The following NCAPD3 variants were observed in gnomAD, a reference collection of about 807,000 sequenced individuals.
NCAPD3 encodes non-SMC condensin II complex subunit D3.
Under a neutral mutation model 182.9 loss-of-function variants are expected in NCAPD3, and 105 were observed. The observed-to-expected ratio is 0.57, with a 90% CI of 0.49 to 0.68. NCAPD3 has a LOEUF of 0.68. Ranked by LOEUF, NCAPD3 falls within the 30% of genes least tolerant of loss-of-function variation. The probability of loss-of-function intolerance (pLI) is 0.00; values close to 1 mark genes in which losing one functional copy is unlikely to be tolerated. For synonymous variants in NCAPD3, 815 were observed against 679.9 expected (o/e 1.20, Z -3.09); for missense variants, 1,944 against 1,837.0 (o/e 1.06, Z -1.07).
chr11:134,160,869 TG>T (rs927829905), intron 28 of NCAPD3, among the ~76,000 whole-genome samples: 2 of 151,872 alleles, frequency 1.3e-5, no homozygotes, highest in African/African-American at 4.8e-5. Context: ...CCATCCTGTG[TG>T]TGTGCTCACA....
intron 28 of NCAPD3, among the ~76,000 whole-genome samples, chr11:134,160,865 T>G (rs1943557405): frequency 1.3e-5 from 2 of 151,904 alleles, no homozygotes. Context: ...GTGGCCATCC[T>G]GTGTGTGTGC....
In NCAPD3 at chr11:134,210,364, T is replaced by C. The variant is rs1937789607; in HGVS notation, c.473A>G (p.Asn158Ser). The change falls in exon 4 of 35, where the codon AAT (asparagine) becomes AGT (serine). Residue 158 changes from asparagine to serine, a missense_variant. Asn to Ser is a conservative substitution (Grantham distance 46). This residue lies in a region of NCAPD3 where 1,803 missense variants were observed against 1,674.6 expected (regional missense o/e 1.08). Coordinates refer to ENST00000534548, the MANE Select transcript of NCAPD3 (RefSeq NM_015261.3). Reference sequence around the variant, plus strand: ...AGGCTGTTCTTTCTTTCTTTTCCGATTCAAGTTAGATTCCTGGGGCCAGCT... The same window carrying C: ...AGGCTGTTCTTTCTTTCTTTTCCGACTCAAGTTAGATTCCTGGGGCCAGCT... The part of the protein sequence containing the change: ...KKSWPQESNL[N>S]RKRKKEQPKS... 1 of 1,614,192 alleles carries C rather than the reference T, an allele frequency of 6.2e-7. No individual in the cohort carries two copies. Among genetic ancestry groups the C allele is most frequent in the Non-Finnish European group, 8.5e-7 (1 of 1,180,018 alleles).
chr11:134,203,563 T>C, intron 11 of NCAPD3, 91 bp downstream of exon 11: 5 of 1,495,664 alleles, frequency 3.3e-6, no homozygotes, highest in South Asian at 2.4e-5. Flanking sequence ...CCATACCTAT[T>C]ACTTTTGCCA....
In NCAPD3 at chr11:134,206,595, T is replaced by C; in HGVS notation, c.1016+4A>G. 1 of 1,613,384 alleles carries C rather than the reference T, an allele frequency of 6.2e-7. No individual in the cohort carries two copies. The highest frequency in any genetic ancestry group is 2.2e-5 in the East Asian group (1 of 44,850). On this transcript the variant is annotated splice_donor_region_variant and intron_variant, in intron 8 of 34. Coordinates refer to ENST00000534548, the MANE Select transcript of NCAPD3 (RefSeq NM_015261.3). The stretch of plus-strand genomic sequence containing the variant: ...GGTGAAAATTCACGATTTGTGTGCT[T>C]CACCTGATAAACTGGACCGCCTGGT...
intron 4 of NCAPD3, 127 bp from the exon 5 acceptor site, chr11:134,209,604 T>C (rs1937750896): frequency 1.2e-6 from 1 of 849,008 alleles, no homozygotes. Context: ...TGATATGACT[T>C]TGACCAGGTC....
chr11:134,174,336 C>G (rs1944102737), intron 24 of NCAPD3, among the ~76,000 whole-genome samples: 1 of 124,220 alleles, frequency 8.1e-6, no homozygotes, highest in Admixed American at 1.0e-4. Flanking sequence ...GGAGCCATGA[C>G]TGTACCACTG....
chr11:134,160,158 T>C (rs1943537624), intron 28 of NCAPD3, 84 bp from the exon 29 acceptor site: 1 of 1,430,110 alleles, frequency 7.0e-7, no homozygotes, highest in African/African-American at 1.4e-5. Context: ...CCTTCGCCTG[T>C]GTAACAAACC....
At chr11:134,217,561 A>G (rs1200163901) in intron 2 of NCAPD3, among the ~76,000 whole-genome samples, 1 of 152,214 alleles carries the variant, frequency 6.6e-6, no homozygotes, top group Non-Finnish European at 1.5e-5. Flanking sequence ...CAGGAAATGA[A>G]AGAGATCTCG....
chr11:134,210,024 C>T (rs995711472), intron 4 of NCAPD3, among the ~76,000 whole-genome samples: 2 of 151,870 alleles, frequency 1.3e-5, no homozygotes, highest in Non-Finnish European at 2.9e-5. Flanking sequence ...CCACTGCACT[C>T]CAACCTGGGC....
intron 13 of NCAPD3, 35 bp downstream of exon 13, chr11:134,202,778 CAGT>C (rs749805049): frequency 2.8e-5 from 40 of 1,430,204 alleles, no homozygotes; most frequent in Non-Finnish European, 3.7e-5. Flanking sequence ...TGAAATCCAG[CAGT>C]ATTACCTATC....
chr11:134,153,244 C>CA, intron 33 of NCAPD3, 44 bp from the exon 34 acceptor site: 4 of 1,613,874 alleles, frequency 2.5e-6, no homozygotes, highest in Non-Finnish European at 3.4e-6. Flanking sequence ...CCCAGAACCT[C>CA]AAAGGCAGTG....
chr11:134,178,686 G>A lies in NCAPD3; in HGVS notation c.2730C>T (p.Val910=), dbSNP rs375827755. ...TCACAGAGGGCATGACAGAACCTCT[G>A]ACCTGGGGGGGTGGCTGAGACGCTG... The part of the protein sequence containing the change: ...EAPASQPPPQ[V]RGSVMPSVIR... Residue 910 remains valine, a synonymous_variant, in exon 22 of 35, where the codon GTC becomes GTT. Coordinates refer to ENST00000534548, the MANE Select transcript of NCAPD3 (RefSeq NM_015261.3). The A allele has an allele frequency of 9.7e-5, 156 of 1,600,248 alleles. No individual in the cohort carries two copies. The highest frequency in any genetic ancestry group is 1.3e-4 in the Non-Finnish European group (147 of 1,171,954).
Position 134,196,376 on chromosome 11 carries a change from G to A in NCAPD3, c.1616-1638C>T, listed in dbSNP as rs534657373. Reference sequence around the variant, plus strand: ...ACTAAATTAGTGGCCAGGCGCGGTGGCTCACGCCTGTAATGCCAGCTCTTT... The same window carrying A: ...ACTAAATTAGTGGCCAGGCGCGGTGACTCACGCCTGTAATGCCAGCTCTTT... On this transcript the variant is annotated intron_variant, in intron 13 of 34. Transcript: ENST00000534548. Among the ~76,000 whole-genome samples the A allele has an allele frequency of 1.2e-4, 19 of 152,262 alleles. No individual in the cohort carries two copies. The East Asian group carries it at 2.9e-3, about 23-fold the overall frequency.
intron 23 of NCAPD3, among the ~76,000 whole-genome samples, chr11:134,176,769 C>A (rs527366567): frequency 1.1e-4 from 17 of 152,332 alleles, no homozygotes; most frequent in African/African-American, 3.4e-4. Flanking sequence ...TAACGCTCTG[C>A]AGAGCTCTAT....
chr11:134,161,934 T>A, intron 27 of NCAPD3, 43 bp from the exon 28 acceptor site: 1 of 1,026,354 alleles, frequency 9.7e-7, no homozygotes, highest in Non-Finnish European at 1.4e-6. Flanking sequence ...TATGAACTTC[T>A]GAAAGACAGG....
intron 32 of NCAPD3, among the ~76,000 whole-genome samples, chr11:134,154,686 G>A (rs1943369810): frequency 6.6e-6 from 1 of 152,176 alleles, no homozygotes; most frequent in South Asian, 2.1e-4. Flanking sequence ...AACAGCACGG[G>A]CTGGGCAGCT....
chr11:134,223,487 G>A lies in NCAPD3; in HGVS notation c.64+376C>T, dbSNP rs947702610. On this transcript the variant is annotated intron_variant, in intron 1 of 34. Transcript: ENST00000534548. Reference sequence around the variant, plus strand: ...ATGTGAGACATCCAGTGGAACCTATGAACATGAAGTTCAAGAAATAAGTCT... The same window carrying A: ...ATGTGAGACATCCAGTGGAACCTATAAACATGAAGTTCAAGAAATAAGTCT... The A allele has an allele frequency of 4.3e-6, 3 of 702,296 alleles. No individual in the cohort carries two copies. In the African/African-American group the frequency reaches 5.2e-5, roughly 12 times the overall value. 43.5% of individuals were successfully genotyped at this position (702,296 alleles called of 1,614,324 possible). A position where few individuals can be genotyped will look rare whatever the true frequency, so the allele number is the denominator to read the frequency against.
At position 134,172,857 on chromosome 11, in the gene NCAPD3, C is replaced by T. The variant is rs1450211232; in HGVS notation, c.3101+3450G>A. ...GCAGCATCGTGAGAACCTAATGCTA[C>T]AAAAAATAAAACATTAGCTAACTAT... On this transcript the variant is annotated intron_variant, in intron 24 of 34. Coordinates refer to ENST00000534548, the MANE Select transcript of NCAPD3 (RefSeq NM_015261.3). Among the ~76,000 whole-genome samples the T allele has an allele frequency of 2.0e-5, 3 of 149,002 alleles. No homozygotes were observed. The East Asian group carries it at 6.0e-4, about 30-fold the overall frequency.
chr11:134,170,314 A>C (rs926253271), intron 24 of NCAPD3, among the ~76,000 whole-genome samples: 1 of 152,244 alleles, frequency 6.6e-6, no homozygotes, highest in African/African-American at 2.4e-5. Context: ...GTCTGATCTA[A>C]GAGTAGTCAG....
Sources: gnomAD v4.1 joint callset for allele counts (sites outside exome capture counted in the v4.1 genomes callset) on GRCh38, gnomAD v4.1.1 for gene constraint, gnomAD v4.1.1 regional missense constraint, MANE v1.5 for transcripts, NCBI Gene and HGNC (gene_info 2026-07-23, HGNC 2026-07-21) for gene names.